Variants in CTNND2 observed in about 807,000 individuals in gnomAD.
CTNND2 encodes catenin delta 2.
Under a neutral mutation model 144.4 loss-of-function variants are expected in CTNND2, and 22 were observed. That is an observed-to-expected ratio of 0.15 (90% CI 0.11 to 0.22). The LOEUF is 0.22. CTNND2 is among the 10% of genes least tolerant of loss of function. The pLI, the probability that CTNND2 is intolerant of heterozygous loss-of-function variation, is 1.00. For synonymous variants in CTNND2, 751 were observed against 695.6 expected, an observed-to-expected ratio of 1.08 and a Z score of -1.25; for missense variants, 1,353 against 1,618.8, an observed-to-expected ratio of 0.84 and a Z score of 2.82.
At chr5:11,156,021 T>C (rs539084602) in intron 12 of CTNND2, among the ~76,000 whole-genome samples, 1 of 152,190 alleles carries the variant, frequency 6.6e-6, no homozygotes, top group African/African-American at 2.4e-5. Context: ...CTGGAGGTGG[T>C]AGGGAATGGG....
In CTNND2 at chr5:10,991,450, ACT is replaced by A. The variant is rs1316318521; in HGVS notation, c.3211+1099_3211+1100del. Among the ~76,000 whole-genome samples the A allele has an allele frequency of 2.0e-5, 3 of 152,112 alleles. 1 individual carries two copies. Among genetic ancestry groups the A allele is most frequent in the African/African-American group, 7.2e-5 (3 of 41,420 alleles). On this transcript the variant is annotated intron_variant, in intron 19 of 21. Coordinates refer to ENST00000304623, the MANE Select transcript of CTNND2 (RefSeq NM_001332.4). Reference sequence around the variant, plus strand: ...GCATATAACTTGTTATCCATCTTTCACTCTCAGAACAAAATCAAAATGCAGAA... The same window carrying A: ...GCATATAACTTGTTATCCATCTTTCACTCAGAACAAAATCAAAATGCAGAA...
At chr5:11,388,874 C>A (rs186758126) in intron 6 of CTNND2, among the ~76,000 whole-genome samples, 1 of 152,164 alleles carries the variant, frequency 6.6e-6, no homozygotes, top group Non-Finnish European at 1.5e-5. Flanking sequence ...AGTATGTTAG[C>A]ACTATAAAGC....
chr5:11,262,185 A>C (rs527317253), intron 9 of CTNND2, among the ~76,000 whole-genome samples: 1 of 152,260 alleles, frequency 6.6e-6, no homozygotes, highest in African/African-American at 2.4e-5. Flanking sequence ...CCACATTTCC[A>C]AGCAAACCTT....
At chr5:11,178,063 T>C (rs1760649157) in intron 11 of CTNND2, among the ~76,000 whole-genome samples, 1 of 152,184 alleles carries the variant, frequency 6.6e-6, no homozygotes, top group African/African-American at 2.4e-5. Context: ...AAAGTTGGCT[T>C]AGGATTCAAG....
intron 7 of CTNND2, among the ~76,000 whole-genome samples, chr5:11,374,775 CTTTTTTTTTTT>C (rs56327510): frequency 0.038 from 3,762 of 99,484 alleles, 96 homozygotes; most frequent in African/African-American, 0.12. Context: ...TCCCAATCTA[CTTTTTTTTTTT>C]TTTTTTTTTT....
intron 2 of CTNND2, among the ~76,000 whole-genome samples, chr5:11,638,072 A>C (rs1781806629): frequency 6.6e-6 from 1 of 152,156 alleles, no homozygotes. Context: ...TTTTGTTAAT[A>C]TATTCTTAGT....
At chr5:11,537,851 T>C (rs1396721343) in intron 3 of CTNND2, among the ~76,000 whole-genome samples, 1 of 152,208 alleles carries the variant, frequency 6.6e-6, no homozygotes, top group Non-Finnish European at 1.5e-5. Flanking sequence ...AACTACTTTA[T>C]AAATTTTTTT....
chr5:11,499,715 CTT>C (rs970727465), intron 3 of CTNND2, among the ~76,000 whole-genome samples: 7 of 152,242 alleles, frequency 4.6e-5, no homozygotes, highest in African/African-American at 1.4e-4. Flanking sequence ...AAAAATTTCT[CTT>C]GTCTCAAAGT....
chr5:11,773,935 T>C (rs1389133143), intron 1 of CTNND2, among the ~76,000 whole-genome samples: 2 of 152,212 alleles, frequency 1.3e-5, no homozygotes, highest in Middle Eastern at 3.4e-3. Context: ...GAATGATCAA[T>C]AGAAACTATC....
At chr5:11,015,300 A>G (rs947291444) in intron 18 of CTNND2, among the ~76,000 whole-genome samples, 6 of 152,236 alleles carry the variant, frequency 3.9e-5, no homozygotes, top group African/African-American at 1.4e-4. Context: ...GAGCTTTGCT[A>G]TTAGCAGCAC....
chr5:11,140,965 A>T (rs568053060), intron 12 of CTNND2, among the ~76,000 whole-genome samples: 314 of 151,738 alleles, frequency 2.1e-3, no homozygotes, highest in African/African-American at 7.2e-3. Flanking sequence ...TTTTATTTTT[A>T]TTTTTTTGAG....
chr5:11,565,636 G>C (rs1777029122), intron 2 of CTNND2, among the ~76,000 whole-genome samples: 2 of 152,274 alleles, frequency 1.3e-5, no homozygotes, highest in South Asian at 4.1e-4. Flanking sequence ...TCATTACTAA[G>C]TACATAACCT....
chr5:11,140,723 C>G (rs1162109957), intron 12 of CTNND2, among the ~76,000 whole-genome samples: 2 of 152,074 alleles, frequency 1.3e-5, no homozygotes, highest in Non-Finnish European at 2.9e-5. Context: ...AAAACACAGT[C>G]TTTACCAAAA....
intron 3 of CTNND2, among the ~76,000 whole-genome samples, chr5:11,478,735 G>A (rs1425474927): frequency 6.6e-6 from 1 of 152,114 alleles, no homozygotes; most frequent in Non-Finnish European, 1.5e-5. Flanking sequence ...GAGTATTCTA[G>A]GTCTGGAAAG....
At chr5:11,270,971 A>C (rs1234023029) in intron 9 of CTNND2, among the ~76,000 whole-genome samples, 3 of 152,226 alleles carry the variant, frequency 2.0e-5, no homozygotes, top group Admixed American at 1.3e-4. Context: ...TAGGAAAATA[A>C]AAGGAACATG....
rs943303736 is a variant in CTNND2 at position 10,972,845 on chromosome 5, A to G, written c.*608T>C. On this transcript the variant is annotated 3_prime_UTR_variant, in exon 22 of 22. Transcript: ENST00000304623. ...AAACTGGAAATCCATACATCTTTCAAAAGTTTGAAATTGAAGCAATATTTA... is the reference window on the plus strand; with the variant it reads ...AAACTGGAAATCCATACATCTTTCAGAAGTTTGAAATTGAAGCAATATTTA... 2 of 152,630 alleles carry G rather than the reference A, an allele frequency of 1.3e-5. No individual in the cohort carries two copies. Among genetic ancestry groups the G allele is most frequent in the African/African-American group, 4.8e-5 (2 of 41,458 alleles). 9.5% of individuals were successfully genotyped at this position (152,630 alleles called of 1,614,324 possible).
intron 1 of CTNND2, among the ~76,000 whole-genome samples, chr5:11,782,870 C>T (rs1790619423): frequency 1.3e-5 from 2 of 152,140 alleles, no homozygotes; most frequent in Admixed American, 1.3e-4. Context: ...AGTAAATAAT[C>T]ACACCCATGT....
At chr5:11,644,605 C>T (rs565833850) in intron 2 of CTNND2, among the ~76,000 whole-genome samples, 13 of 149,788 alleles carry the variant, frequency 8.7e-5, no homozygotes, top group East Asian at 2.0e-4. Flanking sequence ...ACCTGGGAGC[C>T]GGAGCTTGCA....
intron 21 of CTNND2, among the ~76,000 whole-genome samples, chr5:10,979,343 C>T (rs1334187933): frequency 1.3e-5 from 2 of 152,216 alleles, no homozygotes; most frequent in Admixed American, 6.5e-5. Flanking sequence ...GTCTACAGCT[C>T]ATGACCCTAT....
Sources: gnomAD v4.1 joint callset for allele counts (sites outside exome capture counted in the v4.1 genomes callset) on GRCh38, gnomAD v4.1.1 for gene constraint, MANE v1.5 for transcripts, NCBI Gene and HGNC (gene_info 2026-07-23, HGNC 2026-07-21) for gene names.